Variants in DVL1 observed in about 807,000 individuals in gnomAD.
The protein encoded by DVL1 is segment polarity protein dishevelled homolog DVL-1.
A neutral mutation model predicts 65.0 loss-of-function variants in DVL1; 49 were observed. That is an observed-to-expected ratio of 0.75 (90% CI 0.60 to 0.96). The LOEUF is 0.96. DVL1 is among the 40% of genes least tolerant of loss of function. DVL1 has a pLI of 0.00. For synonymous variants in DVL1, 608 were observed against 433.9 expected (o/e 1.40, Z -4.99); for missense variants, 1,197 against 1,045.4 (o/e 1.15, Z -2.00).
intron 1 of DVL1, among the ~76,000 whole-genome samples, chr1:1,343,133 G>A (rs1643873657): frequency 6.6e-6 from 1 of 152,152 alleles, no homozygotes; most frequent in Admixed American, 6.5e-5. Context: ...CCCCAGGTAG[G>A]AGGACAGCTA....
chr1:1,339,362 C>A lies in DVL1; in HGVS notation c.1132G>T (p.Gly378Cys). 1.3e-6 allele frequency: 2 copies of A among 1,548,768 alleles called. No homozygotes were observed. Among genetic ancestry groups the A allele is most frequent in the Non-Finnish European group, 1.7e-6 (2 of 1,146,874 alleles). The change falls in exon 11 of 15, where the codon GGT becomes TGT. Residue 378 changes from glycine to cysteine, a missense_variant. Coordinates refer to ENST00000378888, the MANE Select transcript of DVL1 (RefSeq NM_001330311.2). Reference protein sequence around the residue: ...AALTGALPRYGTSPCSSAVTR... With the variant: ...AALTGALPRYCTSPCSSAVTR... ...ACGGCGCTGGAGCAGGGACTCGTAC[C>A]GTAGCGGGGCAGGGCTCCTGTCAGT...
rs755055773 is a variant in DVL1, at chr1:1,338,382, C to T, written c.1394G>A (p.Arg465Gln). The change falls in exon 13 of 15, where the codon CGG becomes CAG. Residue 465 changes from arginine (R) to glutamine (Q), a missense_variant. Transcript: ENST00000378888. ...YTHVEGFKER[R>Q]EARKYASSLL... ...GCTGCTGGCGTACTTCCGGGCCTCC[C>T]GCCGCTCCTTGAAGCCCTCCACGTG... is the stretch of plus-strand genomic sequence containing the variant. 14 of 1,612,578 alleles carry T rather than the reference C, an allele frequency of 8.7e-6. No homozygotes were observed. Among genetic ancestry groups the T allele is most frequent in the African/African-American group, 4.0e-5 (3 of 74,900 alleles).
At chr1:1,337,266 G>A (rs1643610075) in intron 14 of DVL1, among the ~76,000 whole-genome samples, 1 of 152,094 alleles carries the variant, frequency 6.6e-6, no homozygotes, top group Admixed American at 6.5e-5. Flanking sequence ...CCTCCTTCCT[G>A]GGCCCTCCAC....
Position 1,342,782 on chromosome 1 carries a change from G to GC in DVL1, c.171-25dup, listed in dbSNP as rs749435149. ...CCCTGTGGGCATATGCTGCCGTGAG[G>GC]CCCCACCTGGGGGGCCCAACCCTGC... On this transcript the variant is annotated intron_variant, in intron 1 of 14. Transcript: ENST00000378888. 2.5e-6 allele frequency: 4 copies of GC among 1,611,592 alleles called. No individual in the cohort carries two copies. The Admixed American group carries it at 6.7e-5, about 27-fold the overall frequency.
At chr1:1,340,751 C>A (rs1408508667) in intron 5 of DVL1, among the ~76,000 whole-genome samples, 3 of 151,780 alleles carry the variant, frequency 2.0e-5, no homozygotes, top group Admixed American at 2.0e-4. Flanking sequence ...CACCTGCACA[C>A]ATGCACACCT....
chr1:1,338,574 C>T lies in DVL1; in HGVS notation c.1287G>A (p.Leu429=), dbSNP rs1557665032. ...VRVMQLPDSG[L]EIRDRMWLKI... ...TGAGCCACATGCGGTCGCGGATCTC[C>T]AGTCCCGAGTCTGGCAGCTGCATGA... The change falls in exon 12 of 15, where the codon CTG becomes CTA. Residue 429 remains leucine, a synonymous_variant. Transcript: ENST00000378888. 1 of 1,612,514 alleles carries T rather than the reference C, an allele frequency of 6.2e-7. No homozygotes were observed. The highest frequency in any genetic ancestry group is 8.5e-7 in the Non-Finnish European group (1 of 1,179,868).
rs551788096 is a variant in DVL1, at chr1:1,342,108, C to A, written c.411G>T (p.Thr137=). Residue 137 remains threonine (T), a synonymous_variant, in exon 4 of 15, where the codon ACG becomes ACT. Coordinates refer to ENST00000378888, the MANE Select transcript of DVL1 (RefSeq NM_001330311.2). ...CCCGCCGGTGACTGACCATGGACTC[C>A]GTGCCTGTCTCGTTGTCCATCCCGT... ...SRDGMDNETG[T]ESMVSHRRER... 6 of 1,595,000 alleles carry A rather than the reference C, an allele frequency of 3.8e-6. No individual in the cohort carries two copies. The African/African-American group carries it at 5.3e-5, about 14-fold the overall frequency.
In DVL1 at chr1:1,336,482, C is replaced by CGGCTGCT. The variant is rs1557662109; in HGVS notation, c.1741_1747dup (p.Arg583GlnfsTer9). The CGGCTGCT allele has an allele frequency of 6.5e-7, 1 of 1,544,188 alleles. No individual in the cohort carries two copies. The highest frequency in any genetic ancestry group is 2.3e-5 in the East Asian group (1 of 43,724). On this transcript the variant is annotated frameshift_variant, in exon 15 of 15. Coordinates refer to ENST00000378888, the MANE Select transcript of DVL1 (RefSeq NM_001330311.2). LOFTEE classifies it low-confidence loss of function (END_TRUNC). ...CTCCTTCTCACGGCCCGGGGCCCGG[C>CGGCTGCT]GGCTGCTCCGGGTGGACCCACTGCT...
Position 1,340,058 on chromosome 1 carries a change from G to C in DVL1, c.889C>G (p.Pro297Ala). The C allele has an allele frequency of 6.2e-7, 1 of 1,612,842 alleles. No individual in the cohort carries two copies. The highest frequency in any genetic ancestry group is 8.5e-7 in the Non-Finnish European group (1 of 1,179,824). ...CACACCTGCAGCAACATGTCGCCGG[G>C]CTCGATGCGGCCGTCAGCGGCCACA... ...GAVAADGRIE[P>A]GDMLLQVNDV... is the part of the protein sequence containing the mutation. Residue 297 changes from proline to alanine, a missense_variant, in exon 8 of 15, where the codon CCC (proline) becomes GCC (alanine). Pro to Ala is a conservative substitution (Grantham distance 27). Transcript: ENST00000378888.
In DVL1 at chr1:1,342,871, C is replaced by T. The variant is rs1643869681; in HGVS notation, c.171-113G>A. On this transcript the variant is annotated intron_variant, in intron 1 of 14. Transcript: ENST00000378888. The stretch of plus-strand genomic sequence containing the variant: ...TGCCCACACAATGTCACTCTGTGGA[C>T]ACCCCTGCTAGCGCATTCTCCTCTT... 15 of 999,618 alleles carry T rather than the reference C, an allele frequency of 1.5e-5. No homozygotes were observed. In the South Asian group the frequency reaches 2.3e-4, roughly 15 times the overall value. The allele number at this position is 999,618 out of a possible 1,614,324, so 61.9% of individuals were successfully genotyped here.
At chr1:1,341,547 C>G in intron 5 of DVL1, 120 bp downstream of exon 5, 1 of 1,295,436 alleles carries the variant, frequency 7.7e-7, no homozygotes, top group Non-Finnish European at 1.0e-6. Context: ...CAGGCACACA[C>G]ATGCACACAC....
Position 1,342,726 on chromosome 1 carries a change from G to C in DVL1, c.203C>G (p.Ala68Gly). The change falls in exon 2 of 15, where the codon GCC (alanine) becomes GGC (glycine). Residue 68 changes from alanine (A) to glycine (G), a missense_variant. By Grantham distance (60) the Ala-to-Gly change is moderately conservative (BLOSUM62 0). Transcript: ENST00000378888. Reference sequence around the variant, plus strand: ...GCGGCCGTTGAAGCAGGGAAGCTTGGCATTGTCATCAAAGATCTCCTCCTT... The same window carrying C: ...GCGGCCGTTGAAGCAGGGAAGCTTGCCATTGTCATCAAAGATCTCCTCCTT... ...VVKEEIFDDNAKLPCFNGRVV... is the reference protein window; with the variant it reads ...VVKEEIFDDNGKLPCFNGRVV... 7.4e-6 allele frequency: 12 copies of C among 1,613,094 alleles called. No homozygotes were observed. Among genetic ancestry groups the C allele is most frequent in the Non-Finnish European group, 1.0e-5 (12 of 1,179,782 alleles).
At position 1,340,143 on chromosome 1, in the gene DVL1, C is replaced by T. The variant is rs758491497; in HGVS notation, c.804G>A (p.Gly268=). The T allele has an allele frequency of 6.2e-7, 1 of 1,613,740 alleles. No homozygotes were observed. The highest frequency in any genetic ancestry group is 1.7e-5 in the Admixed American group (1 of 60,020). ...RHHFLGISIV[G]QSNDRGDGGI... The stretch of plus-strand genomic sequence containing the variant: ...CGCCGTCTCCACGGTCGTTGCTCTG[C>T]CCCACGATGCTGATGCCCAGAAAGT... The change falls in exon 8 of 15, where the codon GGG becomes GGA. Residue 268 remains glycine, a synonymous_variant. Transcript: ENST00000378888.
chr1:1,339,862 C>A, intron 8 of DVL1, 50 bp from the exon 9 acceptor site: 1 of 1,351,786 alleles, frequency 7.4e-7, no homozygotes. Context: ...CAGCTCAGTC[C>A]ACCGCCCCCG....
intron 1 of DVL1, among the ~76,000 whole-genome samples, chr1:1,348,381 C>T (rs561895568): frequency 6.6e-6 from 1 of 152,346 alleles, no homozygotes; most frequent in Non-Finnish European, 1.5e-5. Flanking sequence ...TCATGGTCAC[C>T]AGTGGCCCTT....
Position 1,336,289 on chromosome 1 carries a change from C to CGTGGG in DVL1, c.1936_1940dup (p.Thr648ProfsTer28), listed in dbSNP as rs780836585. On this transcript the variant is annotated frameshift_variant, in exon 15 of 15. Coordinates refer to ENST00000378888, the MANE Select transcript of DVL1 (RefSeq NM_001330311.2). LOFTEE classifies it high-confidence loss of function. Reference sequence around the variant, plus strand: ...CCCCCACCACTGTATAGGCCTTGGTCGTGGGGTGGGGCGGGGGGAGCCCCG... The same window carrying CGTGGG: ...CCCCCACCACTGTATAGGCCTTGGTCGTGGGGTGGGGTGGGGCGGGGGGAGCCCCG... 1.3e-6 allele frequency: 2 copies of CGTGGG among 1,562,106 alleles called. No individual in the cohort carries two copies. Among genetic ancestry groups the CGTGGG allele is most frequent in the Non-Finnish European group, 1.7e-6 (2 of 1,160,432 alleles).
chr1:1,339,534 T>C, intron 10 of DVL1, 48 bp downstream of exon 10: 1 of 1,563,644 alleles, frequency 6.4e-7, no homozygotes, highest in African/African-American at 1.4e-5. Flanking sequence ...TCAGGCTAGG[T>C]AGGCGCCCCC....
chr1:1,346,903 C>T (rs1643922594), intron 1 of DVL1, among the ~76,000 whole-genome samples: 1 of 152,246 alleles, frequency 6.6e-6, no homozygotes, highest in East Asian at 1.9e-4. Flanking sequence ...GTGTCTAGTT[C>T]AGCAGTCGCT....
Position 1,336,419 on chromosome 1 carries a change from G to A in DVL1, c.1811C>T (p.Ser604Leu), listed in dbSNP as rs377189378. The A allele has an allele frequency of 8.1e-6, 13 of 1,595,736 alleles. No homozygotes were observed. Among genetic ancestry groups the A allele is most frequent in the African/African-American group, 4.0e-5 (3 of 74,358 alleles). The stretch of plus-strand genomic sequence containing the variant: ...CACCCCACTCGGTGCCGTGTGATCC[G>A]ATTCACTGCCACTGCCCCCAGCTCC... ...AAGAGGSGSE[S>L]DHTAPSGVGS... Residue 604 changes from serine to leucine, a missense_variant, in exon 15 of 15, where the codon TCG becomes TTG. By Grantham distance (145) the Ser-to-Leu change is moderately radical (BLOSUM62 -2). Coordinates refer to ENST00000378888, the MANE Select transcript of DVL1 (RefSeq NM_001330311.2).
Sources: gnomAD v4.1 joint callset for allele counts (sites outside exome capture counted in the v4.1 genomes callset) on GRCh38, gnomAD v4.1.1 for gene constraint, MANE v1.5 for transcripts, NCBI Gene and HGNC (gene_info 2026-07-23, HGNC 2026-07-21) for gene names.